The following MRTFB variants were observed in gnomAD, a reference collection of about 807,000 sequenced individuals.
MRTFB encodes myocardin related transcription factor B, also known as myocardin-related transcription factor B.
Under a neutral mutation model 104.2 loss-of-function variants are expected in MRTFB, and 29 were observed. The ratio of observed to expected loss-of-function variants is 0.28; its 90% CI spans 0.21 to 0.38. The LOEUF is 0.38. Ranked by LOEUF, MRTFB falls within the 10% of genes least tolerant of loss-of-function variation. The pLI is 1.00. For missense variants in MRTFB, 1,270 were observed against 1,341.6 expected, an observed-to-expected ratio of 0.95 and a Z score of 0.83; for synonymous variants, 535 against 519.5, an observed-to-expected ratio of 1.03 and a Z score of -0.41.
Position 14,076,718 on chromosome 16 carries a change from A to G in MRTFB, c.-128-2572A>G, listed in dbSNP as rs548329375. ...CAATGCATTTATAATTGGTGTAAAT[A>G]CTTTCTTCCTCCAGAGTGGCACTTA... On this transcript the variant is annotated intron_variant, in intron 1 of 16. Transcript: ENST00000571589. Among the ~76,000 whole-genome samples, 200 of 152,336 alleles carry G rather than the reference A, an allele frequency of 1.3e-3. 2 individuals are homozygous for G. The highest frequency in any genetic ancestry group is 9.7e-3 in the Admixed American group (149 of 15,298).
rs1346558100 is a variant in MRTFB, at chr16:14,240,466, T to C, written c.1061T>C (p.Ile354Thr). The change falls in exon 10 of 17, where the codon ATC (isoleucine) becomes ACC (threonine). Residue 354 changes from isoleucine (I) to threonine (T), a missense_variant. Ile to Thr is a moderately conservative substitution (Grantham distance 89, BLOSUM62 -1). This residue lies in a region of MRTFB where 1,144 missense variants were observed against 1,131.5 expected (regional missense o/e 1.01). Coordinates refer to ENST00000571589, the MANE Select transcript of MRTFB (RefSeq NM_001308142.2). ...QQKQHYNYQTILPAPFKPLND... is the reference protein window; with the variant it reads ...QQKQHYNYQTTLPAPFKPLND... ...AAGCAGCACTACAACTACCAGACCATCCTGCCTGCACCATTCAAGTACGGC... is the reference window on the plus strand; with the variant it reads ...AAGCAGCACTACAACTACCAGACCACCCTGCCTGCACCATTCAAGTACGGC... The C allele has an allele frequency of 6.2e-7, 1 of 1,614,210 alleles. No homozygotes were observed. The highest frequency in any genetic ancestry group is 8.5e-7 in the Non-Finnish European group (1 of 1,180,034).
intron 9 of MRTFB, 90 bp downstream of exon 9, chr16:14,234,373 A>G (rs368643909): frequency 1.2e-5 from 18 of 1,446,924 alleles, no homozygotes; most frequent in African/African-American, 2.8e-5. Flanking sequence ...CATTTATCCA[A>G]CTTGCTCAGC....
At chr16:14,008,889 A>C in the MRTFB span, among the ~76,000 whole-genome samples, 222 of 138,354 alleles carry the variant, frequency 1.6e-3, 1 homozygote, top group Non-Finnish European at 4.4e-4. Flanking sequence ...AAAAAGCCTC[A>C]TACTTCTTTG....
At chr16:14,082,193 A>G (rs2034452364) in intron 2 of MRTFB, among the ~76,000 whole-genome samples, 1 of 152,142 alleles carries the variant, frequency 6.6e-6, no homozygotes. Context: ...TAAGTCTTTA[A>G]TACATTTTGA....
At chr16:14,042,935 T>C in the MRTFB span, among the ~76,000 whole-genome samples, 2 of 152,142 alleles carry the variant, frequency 1.3e-5, no homozygotes, top group Admixed American at 1.3e-4. Context: ...CAGATTGTTT[T>C]TGCTAAGTTG....
chr16:14,139,883 G>A (rs965516640), intron 2 of MRTFB, among the ~76,000 whole-genome samples: 9 of 152,182 alleles, frequency 5.9e-5, no homozygotes, highest in Non-Finnish European at 8.8e-5. Flanking sequence ...TTCTGCTGCC[G>A]ACTTTGTAGT....
At chr16:14,200,893 A>T in intron 3 of MRTFB, 1 of 1,452,054 alleles carries the variant, frequency 6.9e-7, no homozygotes, top group Non-Finnish European at 9.7e-7. Flanking sequence ...GGGCAGCAGA[A>T]AGAATTTAAC....
chr16:14,006,899 C>T, the MRTFB span, among the ~76,000 whole-genome samples: 2 of 151,962 alleles, frequency 1.3e-5, no homozygotes, highest in African/African-American at 4.8e-5. Flanking sequence ...TGCCTATAGT[C>T]TCAGCTACTT....
chr16:14,121,586 G>C (rs2036847353), intron 2 of MRTFB, among the ~76,000 whole-genome samples: 1 of 152,164 alleles, frequency 6.6e-6, no homozygotes, highest in Non-Finnish European at 1.5e-5. Flanking sequence ...TGCTTCTGTG[G>C]TGTTTGAAAA....
chr16:14,201,781 A>G (rs928694082), intron 3 of MRTFB, among the ~76,000 whole-genome samples: 1 of 152,198 alleles, frequency 6.6e-6, no homozygotes, highest in Non-Finnish European at 1.5e-5. Context: ...ACTTGGCATA[A>G]TAAATGCCTA....
chr16:14,039,490 C>T, the MRTFB span, among the ~76,000 whole-genome samples: 1 of 152,000 alleles, frequency 6.6e-6, no homozygotes, highest in South Asian at 2.1e-4. Flanking sequence ...CACTGAGGGC[C>T]ATCTCAGGCT....
chr16:14,205,007 C>G (rs1434689161), intron 3 of MRTFB, among the ~76,000 whole-genome samples: 1 of 152,108 alleles, frequency 6.6e-6, no homozygotes, highest in Non-Finnish European at 1.5e-5. Flanking sequence ...TATGCCATAT[C>G]CACCTAACAG....
At chr16:14,080,516 A>G (rs529238672) in intron 2 of MRTFB, among the ~76,000 whole-genome samples, 49 of 152,088 alleles carry the variant, frequency 3.2e-4, no homozygotes, top group Non-Finnish European at 5.7e-4. Context: ...CTTTGTATTT[A>G]CTCTATTTTT....
intron 9 of MRTFB, among the ~76,000 whole-genome samples, chr16:14,236,074 C>T (rs555913194): frequency 2.6e-5 from 4 of 152,142 alleles, no homozygotes; most frequent in South Asian, 2.1e-4. Context: ...CCCAGCTACT[C>T]GGAGGCTGAG....
intron 3 of MRTFB, among the ~76,000 whole-genome samples, chr16:14,190,201 A>T (rs1214454991): frequency 6.6e-6 from 1 of 152,210 alleles, no homozygotes; most frequent in Non-Finnish European, 1.5e-5. Context: ...AATAAATGTC[A>T]TGAATTCCCC....
chr16:14,231,387 C>T (rs111390631), intron 8 of MRTFB, among the ~76,000 whole-genome samples: 16,228 of 152,062 alleles, frequency 0.11, 1,874 homozygotes, highest in African/African-American at 0.29. Flanking sequence ...GGCCTGAATA[C>T]TTTAACTTTT....
At chr16:14,172,163 TG>T (rs950945121) in intron 3 of MRTFB, among the ~76,000 whole-genome samples, 17 of 152,178 alleles carry the variant, frequency 1.1e-4, no homozygotes, top group Non-Finnish European at 1.2e-4. Flanking sequence ...CTTTCTACCC[TG>T]TGTCCCCACC....
chr16:14,242,386 TAGA>T (rs955919000), intron 10 of MRTFB, among the ~76,000 whole-genome samples: 3 of 152,092 alleles, frequency 2.0e-5, no homozygotes, highest in Admixed American at 6.5e-5. Context: ...CCCAGGATAT[TAGA>T]AGGAGAAAGA....
chr16:14,098,951 C>T (rs1425548005), intron 2 of MRTFB, among the ~76,000 whole-genome samples: 2 of 152,196 alleles, frequency 1.3e-5, no homozygotes, highest in African/African-American at 2.4e-5. Context: ...GTCTTCACAC[C>T]AGTACCACAC....
Sources: gnomAD v4.1 joint callset for allele counts (sites outside exome capture counted in the v4.1 genomes callset) on GRCh38, gnomAD v4.1.1 for gene constraint, gnomAD v4.1.1 regional missense constraint, MANE v1.5 for transcripts, NCBI Gene and HGNC (gene_info 2026-07-23, HGNC 2026-07-21) for gene names.